TLK1: variants seen among roughly 807,000 people sequenced by gnomAD.
The protein encoded by TLK1 is serine/threonine-protein kinase tousled-like 1.
In TLK1, 24 loss-of-function variants were observed where a neutral mutation model predicts 105.3. The observed-to-expected ratio is 0.23, with a 90% CI of 0.17 to 0.32. TLK1 has a LOEUF of 0.32. TLK1 is among the 10% of genes least tolerant of loss of function. TLK1 has a pLI of 1.00. For synonymous variants in TLK1, 321 were observed against 310.4 expected (o/e 1.03, Z -0.36); for missense variants, 558 against 910.5 (o/e 0.61, Z 4.98).
upstream of TLK1, among the ~76,000 whole-genome samples, chr2:171,163,219 T>C (rs1326270138): frequency 6.6e-6 from 1 of 152,244 alleles, no homozygotes; most frequent in African/African-American, 2.4e-5. Context: ...GTTTATCCAT[T>C]AAACTATTGA....
intron 12 of TLK1, among the ~76,000 whole-genome samples, chr2:171,024,817 G>A (rs542482827): frequency 1.3e-5 from 2 of 152,270 alleles, no homozygotes; most frequent in East Asian, 1.9e-4. Flanking sequence ...ATGTAATTCC[G>A]TTAAAATGGG....
intron 1 of TLK1, 64 bp from the exon 2 acceptor site, chr2:171,117,921 A>C: frequency 8.8e-7 from 1 of 1,142,318 alleles, no homozygotes; most frequent in Non-Finnish European, 1.2e-6. Context: ...ACTTACACAC[A>C]CAAATATATA....
At chr2:171,073,464 G>C (rs1395168723) in intron 3 of TLK1, among the ~76,000 whole-genome samples, 1 of 151,966 alleles carries the variant, frequency 6.6e-6, no homozygotes, top group Non-Finnish European at 1.5e-5. Context: ...TCCAAGCAGG[G>C]AGCCTGGCTA....
rs1305483321 is a variant in TLK1 at position 171,049,969 on chromosome 2, A to C, written c.844-19T>G. ...GTGTACTCTGAAAAGGAGAAAAAAA[A>C]TCATCACTCAATTGTATTCATTAAT... On this transcript the variant is annotated intron_variant, in intron 9 of 20. Coordinates refer to ENST00000431350, the MANE Select transcript of TLK1 (RefSeq NM_012290.5). 1.9e-6 allele frequency: 3 copies of C among 1,613,456 alleles called. No individual in the cohort carries two copies. The highest frequency in any genetic ancestry group is 2.5e-6 in the Non-Finnish European group (3 of 1,179,800).
At chr2:171,222,580 C>A (rs564608211) in intron 1 of TLK1, among the ~76,000 whole-genome samples, 5 of 152,100 alleles carry the variant, frequency 3.3e-5, no homozygotes, top group Admixed American at 2.6e-4. Context: ...GATCCACCCC[C>A]CTCTGCCTCC....
At chr2:171,053,516 C>T (rs1271160192) in intron 8 of TLK1, among the ~76,000 whole-genome samples, 1 of 152,108 alleles carries the variant, frequency 6.6e-6, no homozygotes, top group East Asian at 1.9e-4. Flanking sequence ...GCACGCACCA[C>T]CATGCCCAGC....
intron 1 of TLK1, among the ~76,000 whole-genome samples, chr2:171,189,217 A>T (rs924168848): frequency 7.4e-5 from 11 of 149,218 alleles, no homozygotes; most frequent in African/African-American, 2.2e-4. Flanking sequence ...CCCAGACTAG[A>T]GTGCAATGGC....
intron 11 of TLK1, among the ~76,000 whole-genome samples, chr2:171,038,858 T>C (rs983879797): frequency 1.3e-5 from 2 of 152,210 alleles, no homozygotes; most frequent in African/African-American, 4.8e-5. Flanking sequence ...CCCATTAATT[T>C]TGCATGCACT....
chr2:171,150,838 G>A lies in TLK1; in HGVS notation c.139+9452C>T, dbSNP rs569976341. Among the ~76,000 whole-genome samples the A allele has an allele frequency of 1.9e-4, 29 of 152,244 alleles. No individual in the cohort carries two copies. In the South Asian group the frequency reaches 3.9e-3, roughly 21 times the overall value. On this transcript the variant is annotated intron_variant, in intron 1 of 20. Transcript: ENST00000431350. ...ACTCATTTTTTAACTTAACAAAGTC[G>A]TGTTGTTATTACGTGTAACCAAAGG...
chr2:171,159,107 A>G (rs1360802449), intron 1 of TLK1, among the ~76,000 whole-genome samples: 1 of 152,236 alleles, frequency 6.6e-6, no homozygotes, highest in Non-Finnish European at 1.5e-5. Context: ...ATATCGACAG[A>G]TATTTTCAAA....
intron 2 of TLK1, among the ~76,000 whole-genome samples, chr2:171,114,742 G>A (rs1690333129): frequency 6.6e-6 from 1 of 152,042 alleles, no homozygotes; most frequent in South Asian, 2.1e-4. Flanking sequence ...GGCTAAGGTG[G>A]GAGCATCACC....
chr2:171,155,574 A>C (rs1692201644), intron 1 of TLK1: 1 of 152,200 alleles, frequency 6.6e-6, no homozygotes, highest in Non-Finnish European at 1.5e-5. Flanking sequence ...TTTTTAAAAA[A>C]TCACAGAATG....
At chr2:170,997,582 T>C (rs574828719) in intron 19 of TLK1, 130 bp downstream of exon 19, 4 of 495,440 alleles carry the variant, frequency 8.1e-6, no homozygotes, top group East Asian at 3.0e-5. Context: ...TAGGAAGAAA[T>C]AGAGGAGAAG....
At chr2:171,141,623 C>A (rs1691578470) in intron 1 of TLK1, among the ~76,000 whole-genome samples, 1 of 152,082 alleles carries the variant, frequency 6.6e-6, no homozygotes, top group Non-Finnish European at 1.5e-5. Flanking sequence ...TAGTTGACTT[C>A]TCAACAGAAA....
chr2:171,021,433 CTTTTTTTTTTTT>C (rs531522490), intron 12 of TLK1, among the ~76,000 whole-genome samples: 14 of 116,818 alleles, frequency 1.2e-4, no homozygotes, highest in African/African-American at 4.0e-4. Flanking sequence ...CCCGCCCCGA[CTTTTTTTTTTTT>C]TTTTTTTTTT....
chr2:171,092,174 C>T (rs1256590486), intron 2 of TLK1, among the ~76,000 whole-genome samples: 3 of 152,178 alleles, frequency 2.0e-5, no homozygotes, highest in East Asian at 1.9e-4. Context: ...GACTGATATT[C>T]GATCAATAAC....
Position 171,009,626 on chromosome 2 carries a change from T to A in TLK1, c.1416+1747A>T, listed in dbSNP as rs548248126. On this transcript the variant is annotated intron_variant, in intron 14 of 20. Coordinates refer to ENST00000431350, the MANE Select transcript of TLK1 (RefSeq NM_012290.5). ...ACAAGCAGGATTTCTAATAATCTTATCAGCTTATCTCAGCACCTATGTTCT... is the reference window on the plus strand; with the variant it reads ...ACAAGCAGGATTTCTAATAATCTTAACAGCTTATCTCAGCACCTATGTTCT... Among the ~76,000 whole-genome samples, 18 of 152,284 alleles carry A rather than the reference T, an allele frequency of 1.2e-4. No individual in the cohort carries two copies. In the South Asian group the frequency reaches 3.7e-3, roughly 32 times the overall value.
intron 1 of TLK1, among the ~76,000 whole-genome samples, chr2:171,136,278 G>C (rs1691318662): frequency 1.3e-5 from 2 of 152,232 alleles, no homozygotes; most frequent in Admixed American, 6.5e-5. Flanking sequence ...GAAACTTACA[G>C]AGACAGAAAG....
At chr2:171,188,752 T>C (rs1170534439) in intron 1 of TLK1, among the ~76,000 whole-genome samples, 1 of 146,704 alleles carries the variant, frequency 6.8e-6, no homozygotes, top group African/African-American at 2.5e-5. Context: ...TGGTGGCACG[T>C]GGTCCCAACT....
Sources: allele counts gnomAD v4.1 joint callset (sites outside exome capture counted in the v4.1 genomes callset), GRCh38; gene constraint gnomAD v4.1.1; transcripts MANE v1.5; gene names NCBI Gene and HGNC (gene_info 2026-07-23, HGNC 2026-07-21).